Variants in ZNF721 observed in about 807,000 individuals in gnomAD.
The protein encoded by ZNF721 is zinc finger protein 721.
In ZNF721, 2 loss-of-function variants were observed where a neutral mutation model predicts 2.4. The ratio of observed to expected loss-of-function variants is 0.82; its 90% CI spans 0.34 to 2.58. ZNF721 has a LOEUF of 2.58. Among genes scored for constraint, ZNF721 ranks in the 30% most tolerant of loss-of-function variants. The pLI is 0.11. For missense variants in ZNF721, 1,187 were observed against 1,085.5 expected (o/e 1.09, Z -1.31); for synonymous variants, 398 against 381.8 (o/e 1.04, Z -0.50).
At chr4:474,163 C>T in intron 1 of ZNF721, 2 of 595,798 alleles carry the variant, frequency 3.4e-6, no homozygotes, top group Non-Finnish European at 5.4e-6. Context: ...CGCCGAAGAT[C>T]CCGGATGCCG....
At position 440,024 on chromosome 4, in the gene ZNF721, G is replaced by C. The variant is rs907384811; in HGVS notation, c.*1671C>G. The C allele has an allele frequency of 2.6e-5, 4 of 151,122 alleles. No individual in the cohort carries two copies. Among genetic ancestry groups the C allele is most frequent in the South Asian group, 2.1e-4 (1 of 4,822 alleles). The allele number at this position is 151,122 out of a possible 1,614,324, so 9.4% of individuals were successfully genotyped here. A position where few individuals can be genotyped will look rare whatever the true frequency, so the allele number is the denominator to read the frequency against. On this transcript the variant is annotated 3_prime_UTR_variant, in exon 3 of 3. Transcript: ENST00000511833. ...TAACAATTTTTATTTCAAAAATTAAGTTCACACATTATCTTAAGAGAATTT... is the reference window on the plus strand; with the variant it reads ...TAACAATTTTTATTTCAAAAATTAACTTCACACATTATCTTAAGAGAATTT...
rs782207882 is a variant in ZNF721 at position 444,162 on chromosome 4, CTT to C, written c.303_304del (p.Arg102ThrfsTer8). On this transcript the variant is annotated frameshift_variant, in exon 3 of 3. Transcript: ENST00000511833. LOFTEE classifies it low-confidence loss of function (END_TRUNC). ...TTTAAAGTGTTTCTCTCCAGTATGTCTTGTCTTATCTTTGTTTGAATTTGCAA... is the reference window on the plus strand; with the variant it reads ...TTTAAAGTGTTTCTCTCCAGTATGTCGTCTTATCTTTGTTTGAATTTGCAA... 3 of 1,613,782 alleles carry C rather than the reference CTT, an allele frequency of 1.9e-6. No individual in the cohort carries two copies. Among genetic ancestry groups the C allele is most frequent in the African/African-American group, 2.7e-5 (2 of 75,002 alleles).
chr4:474,401 G>A (rs1715571133), intron 1 of ZNF721, among the ~76,000 whole-genome samples: 1 of 152,178 alleles, frequency 6.6e-6, no homozygotes, highest in South Asian at 2.1e-4. Flanking sequence ...ACCTTCTGGT[G>A]TGTAACGTTA....
At chr4:448,965 C>T (rs1576954245) in intron 2 of ZNF721, among the ~76,000 whole-genome samples, 1 of 151,978 alleles carries the variant, frequency 6.6e-6, no homozygotes, top group Admixed American at 6.6e-5. Flanking sequence ...GACATTAACA[C>T]AAAATAAGTC....
chr4:491,802 T>C (rs993718859), intron 1 of ZNF721, among the ~76,000 whole-genome samples: 2 of 152,062 alleles, frequency 1.3e-5, no homozygotes, highest in East Asian at 1.9e-4. Context: ...TGTAACTTAA[T>C]GTCACAAGTA....
intron 2 of ZNF721, among the ~76,000 whole-genome samples, chr4:460,558 C>T (rs149675586): frequency 0.022 from 3,234 of 149,866 alleles, 118 homozygotes; most frequent in African/African-American, 0.074. Context: ...AATTCAAAAG[C>T]TAGCAGAAGA....
Position 441,866 on chromosome 4 carries a change from A to T in ZNF721, c.2601T>A (p.Cys867Ter). The stretch of plus-strand genomic sequence containing the variant: ...GTCTAAAGGTTTTGCCACATTCTCC[A>T]CATGTGTAGGGTTTCTCTCCAGTAT... ...RIHTGEKPYT[C>*]GECGKTFRQS... The change falls in exon 3 of 3, where the codon TGT (cysteine) becomes TGA (stop). Residue 867 changes from cysteine (C) to a stop codon, truncating the protein, a stop_gained. Coordinates refer to ENST00000511833, the MANE Select transcript of ZNF721 (RefSeq NM_133474.4). LOFTEE classifies it low-confidence loss of function (END_TRUNC). 2 of 1,613,882 alleles carry T rather than the reference A, an allele frequency of 1.2e-6. No homozygotes were observed.
At position 458,053 on chromosome 4, in the gene ZNF721, C is replaced by T. The variant is rs1464114495; in HGVS notation, c.35-13621G>A. Among the ~76,000 whole-genome samples the T allele has an allele frequency of 3.9e-5, 6 of 152,150 alleles. No homozygotes were observed. In the East Asian group the frequency reaches 9.6e-4, roughly 24 times the overall value. ...TAGCTGTGATCAAGGGTCAGTACTG[C>T]TCATTTAGGAACCTGTCCAATGACT... On this transcript the variant is annotated intron_variant, in intron 2 of 2. Transcript: ENST00000511833.
chr4:469,149 CAT>C (rs1576965061), intron 2 of ZNF721, among the ~76,000 whole-genome samples: 1 of 152,162 alleles, frequency 6.6e-6, no homozygotes, highest in East Asian at 1.9e-4. Flanking sequence ...GGCCCAGGCT[CAT>C]CTCAAACTCC....
intron 1 of ZNF721, among the ~76,000 whole-genome samples, chr4:475,060 G>A (rs1262718342): frequency 1.3e-5 from 2 of 152,070 alleles, no homozygotes; most frequent in Admixed American, 6.6e-5. Context: ...GGTGGGGGGC[G>A]CCTGTAGTCC....
chr4:480,295 G>T (rs1267545923), intron 1 of ZNF721, among the ~76,000 whole-genome samples: 4 of 152,136 alleles, frequency 2.6e-5, no homozygotes, highest in African/African-American at 9.7e-5. Context: ...TTCACTATGT[G>T]CTTTTGGATG....
At position 442,086 on chromosome 4, in the gene ZNF721, G is replaced by A; in HGVS notation, c.2381C>T (p.Ser794Leu). ...KECGKVITSS[S>L]SFAKHKRIHT... The stretch of plus-strand genomic sequence containing the variant: ...AATCCTCTTATGTTTAGCAAAGCTT[G>A]AGGATGACGTAATGACTTTGCCACA... The change falls in exon 3 of 3, where the codon TCA becomes TTA. Residue 794 changes from serine to leucine, a missense_variant. Ser to Leu is a moderately radical substitution (Grantham distance 145). Transcript: ENST00000511833. 9.9e-6 allele frequency: 16 copies of A among 1,613,894 alleles called. No homozygotes were observed. The highest frequency in any genetic ancestry group is 1.4e-5 in the Non-Finnish European group (16 of 1,179,808).
rs553649961 is a variant in ZNF721 at position 469,178 on chromosome 4, A to G, written c.34+3397T>C. 2.6e-5 allele frequency among the ~76,000 whole-genome samples: 4 copies of G among 152,300 alleles called. No homozygotes were observed. The East Asian group carries it at 5.8e-4, about 22-fold the overall frequency. On this transcript the variant is annotated intron_variant, in intron 2 of 2. Coordinates refer to ENST00000511833, the MANE Select transcript of ZNF721 (RefSeq NM_133474.4). ...TCAAACTCCTGTGCTCAAGTGATCCACATGCCTTGGCCTCTGAAAGTGCTG... is the reference window on the plus strand; with the variant it reads ...TCAAACTCCTGTGCTCAAGTGATCCGCATGCCTTGGCCTCTGAAAGTGCTG...
In ZNF721 at chr4:440,187, T is replaced by C. The variant is rs1357144445; in HGVS notation, c.*1508A>G. On this transcript the variant is annotated 3_prime_UTR_variant, in exon 3 of 3. Transcript: ENST00000511833. ...CCTACTTCAGGCATCACTCAGTAAG[T>C]CAACCACTAAAAGCCTCTCTGCTCA... is the stretch of plus-strand genomic sequence containing the variant. 1 of 152,154 alleles carries C rather than the reference T, an allele frequency of 6.6e-6. No homozygotes were observed. The highest frequency in any genetic ancestry group is 1.5e-5 in the Non-Finnish European group (1 of 68,018). 9.4% of individuals were successfully genotyped at this position (152,154 alleles called of 1,614,324 possible).
intron 1 of ZNF721, among the ~76,000 whole-genome samples, chr4:479,120 G>T (rs1161642063): frequency 6.6e-6 from 1 of 152,132 alleles, no homozygotes; most frequent in African/African-American, 2.4e-5. Context: ...TTTTGTTGGA[G>T]AGTCAGCCCT....
At chr4:454,958 A>C (rs1166479662) in intron 2 of ZNF721, among the ~76,000 whole-genome samples, 1 of 152,208 alleles carries the variant, frequency 6.6e-6, no homozygotes, top group African/African-American at 2.4e-5. Flanking sequence ...ACAACTCATT[A>C]CAAAAAGAGC....
At chr4:466,238 T>A (rs1715246850) in intron 2 of ZNF721, among the ~76,000 whole-genome samples, 2 of 152,248 alleles carry the variant, frequency 1.3e-5, no homozygotes, top group Admixed American at 1.3e-4. Flanking sequence ...CCACCCTGCA[T>A]GCGTGTGCAC....
At chr4:448,441 CCAA>C (rs1324971902) in intron 2 of ZNF721, among the ~76,000 whole-genome samples, 2 of 141,232 alleles carry the variant, frequency 1.4e-5, no homozygotes, top group African/African-American at 5.1e-5. Context: ...GTATCCCCCC[CCAA>C]AAAAAAAAAA....
At position 442,657 on chromosome 4, in the gene ZNF721, T is replaced by C; in HGVS notation, c.1810A>G (p.Lys604Glu). The change falls in exon 3 of 3, where the codon AAG becomes GAG. Residue 604 changes from lysine (K) to glutamate (E), a missense_variant. Transcript: ENST00000511833. Reference sequence around the variant, plus strand: ...AGTTTCTCTCCAGTATGAATTTTCTTGTGTTGATTCAGGTCTGTGTACCGT... The same window carrying C: ...AGTTTCTCTCCAGTATGAATTTTCTCGTGTTGATTCAGGTCTGTGTACCGT... ...FGRYTDLNQHKKIHTGEKLYK... is the reference protein window; with the variant it reads ...FGRYTDLNQHEKIHTGEKLYK... 1.2e-6 allele frequency: 2 copies of C among 1,614,046 alleles called. No homozygotes were observed. Among genetic ancestry groups the C allele is most frequent in the Non-Finnish European group, 1.7e-6 (2 of 1,179,968 alleles).
Sources: allele counts gnomAD v4.1 joint callset (sites outside exome capture counted in the v4.1 genomes callset), GRCh38; gene constraint gnomAD v4.1.1; transcripts MANE v1.5; gene names NCBI Gene and HGNC (gene_info 2026-07-23, HGNC 2026-07-21).